The following RHOJ variants were observed in gnomAD, a reference collection of about 807,000 sequenced individuals.
The protein encoded by RHOJ is rho-related GTP-binding protein RhoJ.
In RHOJ, 11 loss-of-function variants were observed where a neutral mutation model predicts 23.4. The ratio of observed to expected loss-of-function variants is 0.47; its 90% CI spans 0.30 to 0.78. The LOEUF (loss-of-function observed/expected upper bound fraction) is 0.78, where lower values mean the gene tolerates loss of function less well. Ranked by LOEUF, RHOJ falls within the 30% of genes least tolerant of loss-of-function variation. The pLI is 0.08. For synonymous variants in RHOJ, 102 were observed against 102.7 expected (o/e 0.99, Z 0.04); for missense variants, 254 against 273.4 (o/e 0.93, Z 0.50).
chr14:63,283,198 TGTGA>T lies in RHOJ; in HGVS notation c.481_484del (p.Val161SerfsTer17). The stretch of plus-strand genomic sequence containing the variant: ...AGAAACCTCTCACTTACGAGCATGG[TGTGA>T]AGCTCGCAAAAGCGGTACAGTCAGA... On this transcript the variant is annotated frameshift_variant, in exon 4 of 5. Coordinates refer to ENST00000316754, the MANE Select transcript of RHOJ (RefSeq NM_020663.5). LOFTEE classifies it high-confidence loss of function. 1 of 1,613,798 alleles carries T rather than the reference TGTGA, an allele frequency of 6.2e-7. No homozygotes were observed. Among genetic ancestry groups the T allele is most frequent in the Non-Finnish European group, 8.5e-7 (1 of 1,179,728 alleles).
At chr14:63,261,328 A>T (rs900477366) in intron 1 of RHOJ, among the ~76,000 whole-genome samples, 2 of 151,968 alleles carry the variant, frequency 1.3e-5, no homozygotes, top group Non-Finnish European at 2.9e-5. Flanking sequence ...TTCCTGGTGT[A>T]TTTACCTTTC....
chr14:63,204,692 AC>A lies in RHOJ; in HGVS notation c.-176del, dbSNP rs1003135641. The A allele has an allele frequency of 1.6e-6, 1 of 627,464 alleles. No homozygotes were observed. Among genetic ancestry groups the A allele is most frequent in the Non-Finnish European group, 2.8e-6 (1 of 358,002 alleles). 38.9% of individuals were successfully genotyped at this position (627,464 alleles called of 1,614,324 possible). A position where few individuals can be genotyped will look rare whatever the true frequency, so the allele number is the denominator to read the frequency against. On this transcript the variant is annotated 5_prime_UTR_variant, in exon 1 of 5. Coordinates refer to ENST00000316754, the MANE Select transcript of RHOJ (RefSeq NM_020663.5). ...CCTCAAGTGTGTGTTACCTTTCTTT[AC>A]CAGCATGGTAAGCAACAGGACATAT...
chr14:63,230,840 G>A (rs183006526), intron 1 of RHOJ, among the ~76,000 whole-genome samples: 2 of 96,720 alleles, frequency 2.1e-5, no homozygotes, highest in African/African-American at 1.4e-4. Context: ...AGGGTACAAG[G>A]CTTTTTTTTT....
chr14:63,241,055 C>G (rs1894874274), intron 1 of RHOJ, among the ~76,000 whole-genome samples: 1 of 152,198 alleles, frequency 6.6e-6, no homozygotes, highest in Non-Finnish European at 1.5e-5. Flanking sequence ...TATATAAATA[C>G]CAGATAACAA....
chr14:63,252,980 T>C (rs976305314), intron 1 of RHOJ, among the ~76,000 whole-genome samples: 20 of 152,246 alleles, frequency 1.3e-4, no homozygotes, highest in African/African-American at 4.8e-4. Flanking sequence ...CAAAATTCTC[T>C]GTAACTATTT....
At chr14:63,285,700 T>C (rs984652455) in intron 4 of RHOJ, among the ~76,000 whole-genome samples, 5 of 152,176 alleles carry the variant, frequency 3.3e-5, no homozygotes, top group African/African-American at 1.2e-4. Flanking sequence ...CTCAGCCTAC[T>C]TTTCCCATTC....
At chr14:63,281,503 T>G (rs1362490090) in intron 3 of RHOJ, among the ~76,000 whole-genome samples, 1 of 152,050 alleles carries the variant, frequency 6.6e-6, no homozygotes, top group African/African-American at 2.4e-5. Flanking sequence ...ACAGTTGTTT[T>G]AAAATCACAA....
At chr14:63,222,492 T>C (rs8019907) in intron 1 of RHOJ, among the ~76,000 whole-genome samples, 126,576 of 151,998 alleles carry the variant, frequency 0.83, 53,696 homozygotes, top group Middle Eastern at 0.96. Flanking sequence ...ACCTGTTGTT[T>C]CCTGACTTTT....
intron 2 of RHOJ, 94 bp from the exon 3 acceptor site, chr14:63,280,877 C>A: frequency 8.6e-7 from 1 of 1,164,750 alleles, no homozygotes; most frequent in Non-Finnish European, 1.2e-6. Flanking sequence ...GATCCCAGTG[C>A]GCTGTAGTGG....
In RHOJ at chr14:63,283,177, AC is replaced by A; in HGVS notation, c.461del (p.Pro154LeufsTer8). The stretch of plus-strand genomic sequence containing the variant: ...CCCGTTTGCTGTATATGAAAGAGAA[AC>A]CTCTCACTTACGAGCATGGTGTGAA... ...LARLLYMKEK[P>X]LTYEHGVKLA... On this transcript the variant is annotated frameshift_variant, in exon 4 of 5. Coordinates refer to ENST00000316754, the MANE Select transcript of RHOJ (RefSeq NM_020663.5). LOFTEE classifies it high-confidence loss of function. 6.2e-7 allele frequency: 1 copy of A among 1,614,070 alleles called. No homozygotes were observed. The highest frequency in any genetic ancestry group is 8.5e-7 in the Non-Finnish European group (1 of 1,179,976).
At chr14:63,236,524 T>G (rs972274585) in intron 1 of RHOJ, among the ~76,000 whole-genome samples, 11 of 151,864 alleles carry the variant, frequency 7.2e-5, no homozygotes, top group African/African-American at 2.4e-4. Flanking sequence ...AACCATCAGA[T>G]CTCATGAGAC....
At chr14:63,261,847 C>T (rs996124460) in intron 1 of RHOJ, among the ~76,000 whole-genome samples, 2 of 152,300 alleles carry the variant, frequency 1.3e-5, no homozygotes, top group African/African-American at 4.8e-5. Flanking sequence ...AAATCTTTGA[C>T]GTGCTCATCC....
Position 63,263,262 on chromosome 14 carries a change from C to T in RHOJ, c.179-5848C>T, listed in dbSNP as rs559732434. On this transcript the variant is annotated intron_variant, in intron 1 of 4. Coordinates refer to ENST00000316754, the MANE Select transcript of RHOJ (RefSeq NM_020663.5). ...GAAAGATCCTGCTCTTTGAACCTCA[C>T]TATGTTTACCATTAGCATTTTATGA... Among the ~76,000 whole-genome samples the T allele has an allele frequency of 2.0e-5, 3 of 152,328 alleles. No individual in the cohort carries two copies. In the South Asian group the frequency reaches 6.2e-4, roughly 32 times the overall value.
In RHOJ at chr14:63,293,001, T is replaced by A. The variant is rs1345979188; in HGVS notation, c.*1977T>A. On this transcript the variant is annotated 3_prime_UTR_variant, in exon 5 of 5. Coordinates refer to ENST00000316754, the MANE Select transcript of RHOJ (RefSeq NM_020663.5). ...CAAGTACTATTTCCCTTCTCTCCCA[T>A]CTAATTGCTAAAGATTTTCTTTCAT... is the stretch of plus-strand genomic sequence containing the variant. 2.0e-5 allele frequency: 3 copies of A among 150,654 alleles called. No homozygotes were observed. Among genetic ancestry groups the A allele is most frequent in the South Asian group, 2.1e-4 (1 of 4,732 alleles). 9.3% of individuals were successfully genotyped at this position (150,654 alleles called of 1,614,324 possible).
intron 1 of RHOJ, 41 bp downstream of exon 1, chr14:63,205,088 T>C: frequency 6.3e-7 from 1 of 1,589,060 alleles, no homozygotes; most frequent in Non-Finnish European, 8.6e-7. Context: ...AGACAAACGA[T>C]GCAGGGGGCG....
At chr14:63,229,327 T>C (rs376131842) in intron 1 of RHOJ, among the ~76,000 whole-genome samples, 2 of 152,214 alleles carry the variant, frequency 1.3e-5, no homozygotes, top group African/African-American at 4.8e-5. Context: ...ACAATCTTAG[T>C]GACTTGAAAC....
chr14:63,244,974 T>C (rs1009538287), intron 1 of RHOJ, among the ~76,000 whole-genome samples: 3 of 152,230 alleles, frequency 2.0e-5, no homozygotes, highest in Admixed American at 2.0e-4. Context: ...TTGAAAACTG[T>C]ATGAGCTTTG....
intron 3 of RHOJ, among the ~76,000 whole-genome samples, chr14:63,281,350 G>A (rs1436412062): frequency 6.6e-6 from 1 of 151,998 alleles, no homozygotes; most frequent in Non-Finnish European, 1.5e-5. Flanking sequence ...TTTTGATATG[G>A]CCTTCAAAAA....
chr14:63,261,578 C>T (rs1364497645), intron 1 of RHOJ, among the ~76,000 whole-genome samples: 1 of 151,346 alleles, frequency 6.6e-6, no homozygotes, highest in Non-Finnish European at 1.5e-5. Context: ...CTACTTGATA[C>T]ACACCACCAT....
Sources: allele counts gnomAD v4.1 joint callset (sites outside exome capture counted in the v4.1 genomes callset), GRCh38; gene constraint gnomAD v4.1.1; transcripts MANE v1.5; gene names NCBI Gene and HGNC (gene_info 2026-07-23, HGNC 2026-07-21).